The following ROBO2 variants were observed in gnomAD, a reference collection of about 807,000 sequenced individuals.
The protein encoded by ROBO2 is roundabout homolog 2.
A neutral mutation model predicts 160.8 loss-of-function variants in ROBO2; 53 were observed. The observed-to-expected ratio is 0.33, with a 90% confidence interval of 0.26 to 0.41. The LOEUF (loss-of-function observed/expected upper bound fraction) is 0.41. ROBO2 is among the 10% of genes least tolerant of loss of function. The pLI is 1.00. For synonymous variants in ROBO2, 664 were observed against 611.7 expected, an observed-to-expected ratio of 1.09 and a Z score of -1.26; for missense variants, 1,577 against 1,722.4, an observed-to-expected ratio of 0.92 and a Z score of 1.49.
chr3:76,710,029 G>C (rs1245207848), intron 2 of ROBO2, among the ~76,000 whole-genome samples: 2 of 152,086 alleles, frequency 1.3e-5, no homozygotes, highest in Non-Finnish European at 2.9e-5. Flanking sequence ...GGGAGGGAGA[G>C]AGACACGTGG....
intron 2 of ROBO2, among the ~76,000 whole-genome samples, chr3:76,392,519 G>A (rs1295757355): frequency 6.6e-6 from 1 of 152,110 alleles, no homozygotes; most frequent in Non-Finnish European, 1.5e-5. Flanking sequence ...TGGGAATCAT[G>A]ACTGAGTAGC....
chr3:76,202,081 A>G (rs1702562821), intron 2 of ROBO2, among the ~76,000 whole-genome samples: 1 of 152,140 alleles, frequency 6.6e-6, no homozygotes, highest in Non-Finnish European at 1.5e-5. Context: ...TGCATAGCAC[A>G]GCTCATCTCT....
chr3:77,390,912 G>T (rs2074657158), intron 2 of ROBO2, among the ~76,000 whole-genome samples: 1 of 151,904 alleles, frequency 6.6e-6, no homozygotes, highest in South Asian at 2.1e-4. Context: ...CTTTCAGCTT[G>T]CAGGTAAGCG....
intron 2 of ROBO2, among the ~76,000 whole-genome samples, chr3:76,577,906 G>T (rs984506250): frequency 6.6e-6 from 1 of 152,098 alleles, no homozygotes. Flanking sequence ...ATAATGTCCA[G>T]TCCCTCTACA....
intron 2 of ROBO2, among the ~76,000 whole-genome samples, chr3:77,327,978 G>A (rs1467206304): frequency 1.3e-5 from 2 of 148,712 alleles, no homozygotes; most frequent in South Asian, 4.2e-4. Flanking sequence ...TTGAACCTGG[G>A]AGACGGAGAC....
chr3:77,260,861 C>A (rs1344307573), intron 2 of ROBO2, among the ~76,000 whole-genome samples: 2 of 152,118 alleles, frequency 1.3e-5, no homozygotes, highest in African/African-American at 2.4e-5. Flanking sequence ...CAGTGGGTAA[C>A]CTCACCTTTT....
intron 2 of ROBO2, among the ~76,000 whole-genome samples, chr3:76,106,825 T>C (rs2069956601): frequency 6.6e-6 from 1 of 152,104 alleles, no homozygotes; most frequent in Non-Finnish European, 1.5e-5. Context: ...TTCTGTCTGA[T>C]GAATAGGGAA....
At chr3:76,745,598 G>A (rs570165603) in intron 2 of ROBO2, among the ~76,000 whole-genome samples, 1 of 151,910 alleles carries the variant, frequency 6.6e-6, no homozygotes, top group Non-Finnish European at 1.5e-5. Flanking sequence ...TCTTGTCTCT[G>A]TTCCTGATTG....
In ROBO2 at chr3:77,075,090, A is replaced by T. The variant is rs73843469; in HGVS notation, c.62-22924A>T. Among the ~76,000 whole-genome samples, 526 of 152,362 alleles carry T rather than the reference A, an allele frequency of 3.5e-3. 3 individuals are homozygous for T. Among genetic ancestry groups the T allele is most frequent in the African/African-American group, 0.012 (507 of 41,588 alleles). On this transcript the variant is annotated intron_variant, in intron 1 of 25. Coordinates refer to ENST00000461745, the Ensembl canonical transcript of ROBO2. ...AGGTGAAGTCACTTTGTGTCTAGTC[A>T]TTAAAATATATACACATGTACATAA... is the stretch of plus-strand genomic sequence containing the variant.
chr3:76,907,929 TC>T (rs1318287652), intron 2 of ROBO2, among the ~76,000 whole-genome samples: 2 of 151,242 alleles, frequency 1.3e-5, no homozygotes, highest in Non-Finnish European at 2.9e-5. Context: ...AACCTCCACC[TC>T]CCGGGTTCAA....
rs189908331 is a variant in ROBO2 at position 76,416,143 on chromosome 3, G to A, written c.109+478541G>A. ...CTTGCTCTCCAGGAAAACAAATCAG[G>A]ACATGTTCTGTGGTTTTAAAAAATA... On this transcript the variant is annotated intron_variant, in intron 2 of 26. Transcript: ENST00000487694. Among the ~76,000 whole-genome samples, 11 of 151,926 alleles carry A rather than the reference G, an allele frequency of 7.2e-5. No individual in the cohort carries two copies. The East Asian group carries it at 1.2e-3, about 16-fold the overall frequency.
intron 2 of ROBO2, among the ~76,000 whole-genome samples, chr3:76,893,555 A>C (rs2074524109): frequency 6.6e-6 from 1 of 151,992 alleles, no homozygotes; most frequent in African/African-American, 2.4e-5. Flanking sequence ...ATAACATATT[A>C]CATATATATG....
At chr3:77,180,811 T>G (rs2150842909) in intron 2 of ROBO2, among the ~76,000 whole-genome samples, 1 of 152,118 alleles carries the variant, frequency 6.6e-6, no homozygotes, top group Middle Eastern at 3.4e-3. Flanking sequence ...TATGATAAAA[T>G]ATTAATGTAT....
At chr3:76,456,168 A>G (rs2077740405) in intron 2 of ROBO2, among the ~76,000 whole-genome samples, 1 of 152,184 alleles carries the variant, frequency 6.6e-6, no homozygotes, top group South Asian at 2.1e-4. Context: ...AGGTGTTCCA[A>G]TCTTGCCAAT....
chr3:76,970,088 A>G (rs1248035604), intron 2 of ROBO2, among the ~76,000 whole-genome samples: 3 of 152,120 alleles, frequency 2.0e-5, no homozygotes, highest in East Asian at 3.9e-4. Flanking sequence ...ATTCCCACCA[A>G]TGCTTTGCTG....
chr3:77,041,482 A>G (rs574658767), intron 1 of ROBO2, among the ~76,000 whole-genome samples: 30 of 152,312 alleles, frequency 2.0e-4, no homozygotes, highest in African/African-American at 6.7e-4. Flanking sequence ...GGGCAAACAC[A>G]ATGGGGACCT....
At chr3:77,193,298 TA>T (rs1314447662) in intron 2 of ROBO2, among the ~76,000 whole-genome samples, 1 of 151,678 alleles carries the variant, frequency 6.6e-6, no homozygotes, top group Non-Finnish European at 1.5e-5. Flanking sequence ...AATTTAGAGA[TA>T]AGGTCTTGTT....
chr3:76,718,453 C>T (rs895055131), intron 2 of ROBO2, among the ~76,000 whole-genome samples: 1 of 152,198 alleles, frequency 6.6e-6, no homozygotes, highest in African/African-American at 2.4e-5. Context: ...TATTTTGACA[C>T]ATCCTCAAAA....
intron 2 of ROBO2, among the ~76,000 whole-genome samples, chr3:76,401,913 A>C (rs2077845123): frequency 6.6e-6 from 1 of 151,636 alleles, no homozygotes; most frequent in East Asian, 1.9e-4. Context: ...TACAAAGAAA[A>C]ATTTTTAGAA....
Sources: gnomAD v4.1 joint callset for allele counts (sites outside exome capture counted in the v4.1 genomes callset) on GRCh38, gnomAD v4.1.1 for gene constraint, MANE v1.5 for transcripts, NCBI Gene and HGNC (gene_info 2026-07-23, HGNC 2026-07-21) for gene names.